SDK2: variants seen among roughly 807,000 people sequenced by gnomAD.
SDK2 encodes protein sidekick-2.
Under a neutral mutation model 253.9 loss-of-function variants are expected in SDK2, and 105 were observed. That is an observed-to-expected ratio of 0.41 (90% CI 0.35 to 0.49). The LOEUF (loss-of-function observed/expected upper bound fraction) is 0.49, where lower values mean the gene tolerates loss of function less well. Among genes scored for constraint, SDK2 ranks in the 20% least tolerant of loss-of-function variants. SDK2 has a pLI of 0.06. For synonymous variants in SDK2, 1,249 were observed against 1,234.9 expected (o/e 1.01, Z -0.24); for missense variants, 2,608 against 3,003.0 (o/e 0.87, Z 3.07).
chr17:73,439,794 G>T (rs2063399668), intron 6 of SDK2, among the ~76,000 whole-genome samples: 1 of 152,214 alleles, frequency 6.6e-6, no homozygotes, highest in Non-Finnish European at 1.5e-5. Context: ...GGGCGGCAGT[G>T]AGTACAGGCC....
At chr17:73,426,300 C>T (rs1483424324) in intron 12 of SDK2, among the ~76,000 whole-genome samples, 1 of 144,970 alleles carries the variant, frequency 6.9e-6, no homozygotes, top group Non-Finnish European at 1.5e-5. Context: ...CTCCTGACCT[C>T]AGGTGATCCG....
At chr17:73,456,762 A>G (rs1489951009) in intron 3 of SDK2, among the ~76,000 whole-genome samples, 1 of 152,244 alleles carries the variant, frequency 6.6e-6, no homozygotes, top group Non-Finnish European at 1.5e-5. Context: ...AGCACAGAGC[A>G]GAGGAGACGC....
intron 1 of SDK2, among the ~76,000 whole-genome samples, chr17:73,521,823 C>T (rs780605389): frequency 1.8e-4 from 27 of 152,190 alleles, no homozygotes; most frequent in Non-Finnish European, 3.2e-4. Context: ...TGTGACACCT[C>T]CCTTGCTGGG....
chr17:73,433,702 C>G (rs1175840671), intron 10 of SDK2, 30 bp downstream of exon 10: 1 of 1,505,892 alleles, frequency 6.6e-7, no homozygotes, highest in Non-Finnish European at 9.1e-7. Flanking sequence ...TATCACCCAG[C>G]CACACTCTCT....
chr17:73,373,180 T>C (rs901733275), intron 36 of SDK2, among the ~76,000 whole-genome samples: 1 of 152,268 alleles, frequency 6.6e-6, no homozygotes, highest in African/African-American at 2.4e-5. Flanking sequence ...GGTTCATCCG[T>C]GTTGTTGCAA....
chr17:73,633,467 G>A (rs1050163020), intron 1 of SDK2, among the ~76,000 whole-genome samples: 2 of 151,992 alleles, frequency 1.3e-5, no homozygotes, highest in Admixed American at 6.5e-5. Flanking sequence ...TTTTCCCAAT[G>A]AGGACACTTG....
At chr17:73,606,966 C>T (rs2143097361) in intron 1 of SDK2, among the ~76,000 whole-genome samples, 1 of 152,220 alleles carries the variant, frequency 6.6e-6, no homozygotes, top group East Asian at 1.9e-4. Flanking sequence ...TTGGAATGGC[C>T]CAAGAGCCAA....
intron 40 of SDK2, among the ~76,000 whole-genome samples, chr17:73,353,438 G>A (rs1194406117): frequency 6.6e-6 from 1 of 152,010 alleles, no homozygotes; most frequent in Admixed American, 6.6e-5. Flanking sequence ...TCTTTGTTTC[G>A]AGACAGAGTT....
At chr17:73,626,543 C>A (rs1209670155) in intron 1 of SDK2, among the ~76,000 whole-genome samples, 1 of 152,238 alleles carries the variant, frequency 6.6e-6, no homozygotes, top group African/African-American at 2.4e-5. Context: ...CCAGCTCAGA[C>A]AAGAGGCCTC....
rs959851339 is a variant in SDK2 at position 73,455,811 on chromosome 17, G to C, written c.479+95C>G. The C allele has an allele frequency of 3.0e-6, 4 of 1,347,030 alleles. No homozygotes were observed. Among genetic ancestry groups the C allele is most frequent in the Non-Finnish European group, 4.0e-6 (4 of 1,012,526 alleles). The allele number at this position is 1,347,030 out of a possible 1,614,324, so 83.4% of individuals were successfully genotyped here. A position where few individuals can be genotyped will look rare whatever the true frequency, so the allele number is the denominator to read the frequency against. ...AGCTGAAAGGGGCTTCTGCACAAAG[G>C]CCCTCCTCCACACTCAAGGGAGACT... On this transcript the variant is annotated intron_variant, in intron 4 of 44. Transcript: ENST00000392650. This position sits in a 1 kb window ranked among gnomAD's most constrained non-coding sequence, Gnocchi z 5.0.
At chr17:73,584,970 A>G (rs2045585529) in intron 1 of SDK2, among the ~76,000 whole-genome samples, 1 of 152,250 alleles carries the variant, frequency 6.6e-6, no homozygotes. Flanking sequence ...ATTAGAAATC[A>G]GTCTCCAGTG....
intron 3 of SDK2, among the ~76,000 whole-genome samples, chr17:73,464,383 C>G (rs1281655975): frequency 6.6e-6 from 1 of 152,202 alleles, no homozygotes; most frequent in Non-Finnish European, 1.5e-5. Flanking sequence ...TAAGATGTGG[C>G]TTTGCTCCTC....
chr17:73,500,406 A>G (rs1286822582), intron 2 of SDK2, among the ~76,000 whole-genome samples: 1 of 118,088 alleles, frequency 8.5e-6, no homozygotes, highest in African/African-American at 3.4e-5. Flanking sequence ...TCCTTTGTCC[A>G]TCCTCCTTCC....
At chr17:73,593,638 T>C (rs894985672) in intron 1 of SDK2, among the ~76,000 whole-genome samples, 7 of 152,214 alleles carry the variant, frequency 4.6e-5, no homozygotes, top group Non-Finnish European at 8.8e-5. Context: ...CCCCCCAAAG[T>C]GTGCCACTCA....
intron 18 of SDK2, among the ~76,000 whole-genome samples, chr17:73,409,444 G>C (rs900888654): frequency 1.4e-5 from 2 of 145,910 alleles, no homozygotes; most frequent in African/African-American, 5.1e-5. Context: ...TCCAACCTGG[G>C]TGACCGAGCA....
chr17:73,385,737 G>T (rs2062866420), intron 32 of SDK2, 110 bp downstream of exon 32: 3 of 971,140 alleles, frequency 3.1e-6, no homozygotes, highest in Non-Finnish European at 4.8e-6. Flanking sequence ...CGCTCTGGGG[G>T]CAGAGAACTT....
At position 73,570,432 on chromosome 17, in the gene SDK2, G is replaced by T. The variant is rs1240873409; in HGVS notation, c.65-62835C>A. ...GTGAGGTGGCTCCCACTGCTGGCTG[G>T]GTGAGCAGTTGGTGCCGCTTTGCCA... On this transcript the variant is annotated intron_variant, in intron 1 of 44. Coordinates refer to ENST00000392650, the MANE Select transcript of SDK2 (RefSeq NM_001144952.2). The surrounding 1 kb of genome is among the most constrained non-coding windows in gnomAD (Gnocchi z 4.2). 3.3e-5 allele frequency among the ~76,000 whole-genome samples: 5 copies of T among 152,098 alleles called. No homozygotes were observed. Among genetic ancestry groups the T allele is most frequent in the Non-Finnish European group, 5.9e-5 (4 of 68,014 alleles).
At chr17:73,416,268 C>T (rs924570619) in intron 16 of SDK2, among the ~76,000 whole-genome samples, 1 of 141,498 alleles carries the variant, frequency 7.1e-6, no homozygotes, top group Non-Finnish European at 1.5e-5. Flanking sequence ...GCAATCTCGG[C>T]TCACTGCAAC....
chr17:73,382,703 T>C (rs867361894), intron 33 of SDK2, among the ~76,000 whole-genome samples: 4 of 152,218 alleles, frequency 2.6e-5, no homozygotes, highest in Admixed American at 6.5e-5. Flanking sequence ...CTGATTTACT[T>C]TGAAAAATCA....
Sources: allele counts gnomAD v4.1 joint callset (sites outside exome capture counted in the v4.1 genomes callset), GRCh38; gene constraint gnomAD v4.1.1; non-coding constraint Gnocchi (gnomAD v3.1); transcripts MANE v1.5; gene names NCBI Gene and HGNC (gene_info 2026-07-23, HGNC 2026-07-21).